The following CSMD1 variants were observed in gnomAD, a reference collection of about 807,000 sequenced individuals.
CSMD1 encodes the protein CUB and sushi domain-containing protein 1.
A neutral mutation model predicts 417.5 loss-of-function variants in CSMD1; 213 were observed. The observed-to-expected ratio is 0.51, with a 90% CI of 0.46 to 0.57. The LOEUF (loss-of-function observed/expected upper bound fraction) is 0.57. Among genes scored for constraint, CSMD1 ranks in the 20% least tolerant of loss-of-function variants. The pLI, the probability that CSMD1 is intolerant of heterozygous loss-of-function variation, is 0.00. For missense variants in CSMD1, 6,923 were observed against 4,529.7 expected (o/e 1.53, Z -15.17); for synonymous variants, 2,862 against 1,736.8 (o/e 1.65, Z -16.11).
intron 3 of CSMD1, among the ~76,000 whole-genome samples, chr8:4,172,829 G>T (rs4875297): frequency 0.31 from 46,542 of 151,912 alleles, 9,034 homozygotes; most frequent in Non-Finnish European, 0.41. Context: ...ATGTCCATAT[G>T]GAAGGGACTG....
intron 5 of CSMD1, among the ~76,000 whole-genome samples, chr8:3,870,854 T>C (rs905143860): frequency 3.3e-5 from 5 of 152,128 alleles, no homozygotes; most frequent in Admixed American, 6.5e-5. Flanking sequence ...CACCATTCTG[T>C]CTTAGGTTCC....
At chr8:3,679,993 C>T (rs985988134) in intron 7 of CSMD1, among the ~76,000 whole-genome samples, 2 of 151,960 alleles carry the variant, frequency 1.3e-5, no homozygotes, top group Admixed American at 6.6e-5. Flanking sequence ...CCAACGAGAA[C>T]AAAGACACAA....
chr8:4,110,419 G>C (rs902379860), intron 3 of CSMD1, among the ~76,000 whole-genome samples: 5 of 152,058 alleles, frequency 3.3e-5, no homozygotes, highest in African/African-American at 9.7e-5. Flanking sequence ...TAGTACTCTG[G>C]AAATCTACAT....
intron 12 of CSMD1, among the ~76,000 whole-genome samples, chr8:3,449,447 G>C (rs1162103352): frequency 6.6e-6 from 1 of 152,032 alleles, no homozygotes; most frequent in Non-Finnish European, 1.5e-5. Flanking sequence ...CCTGGACTCG[G>C]AAAGTGAATT....
At chr8:3,188,784 A>G in intron 35 of CSMD1, 103 bp downstream of exon 35, 1 of 833,212 alleles carries the variant, frequency 1.2e-6, no homozygotes, top group Non-Finnish European at 1.6e-6. Flanking sequence ...AGAGAGAGGG[A>G]GAGAGAGAGA....
At chr8:3,049,225 C>A (rs1003221803) in intron 50 of CSMD1, among the ~76,000 whole-genome samples, 1 of 152,106 alleles carries the variant, frequency 6.6e-6, no homozygotes, top group Admixed American at 6.5e-5. Context: ...TCAATCTCAA[C>A]CTTCGGTATT....
At chr8:3,818,698 A>G (rs1321489218) in intron 5 of CSMD1, among the ~76,000 whole-genome samples, 1 of 152,198 alleles carries the variant, frequency 6.6e-6, no homozygotes, top group Non-Finnish European at 1.5e-5. Flanking sequence ...GGCAGTCAAC[A>G]AAGGAAGGGA....
chr8:3,964,872 T>C lies in CSMD1; in HGVS notation c.818+33031A>G, dbSNP rs1369313672. Among the ~76,000 whole-genome samples, 5 of 152,222 alleles carry C rather than the reference T, an allele frequency of 3.3e-5. No homozygotes were observed. The East Asian group carries it at 9.6e-4, about 29-fold the overall frequency. On this transcript the variant is annotated intron_variant, in intron 5 of 69. Coordinates refer to ENST00000635120, the MANE Select transcript of CSMD1 (RefSeq NM_033225.6). ...GGTTTCCACTTTTGAAAAAGTGTGA[T>C]TGCATATTATGCCTACTTTTAAAAA...
At chr8:4,839,343 T>C (rs1193283805) in intron 1 of CSMD1, among the ~76,000 whole-genome samples, 3 of 152,206 alleles carry the variant, frequency 2.0e-5, no homozygotes, top group African/African-American at 4.8e-5. Flanking sequence ...AATGAATGCA[T>C]ACAACCAAGC....
intron 2 of CSMD1, among the ~76,000 whole-genome samples, chr8:4,635,706 GATAA>G (rs1310815193): frequency 2.0e-5 from 3 of 151,980 alleles, no homozygotes; most frequent in Non-Finnish European, 4.4e-5. Flanking sequence ...TAGTAGCGTT[GATAA>G]TTGACAACAA....
chr8:4,052,626 A>C (rs1172272173), intron 3 of CSMD1, among the ~76,000 whole-genome samples: 3 of 152,182 alleles, frequency 2.0e-5, no homozygotes, highest in Non-Finnish European at 4.4e-5. Context: ...CCAGTATTTC[A>C]ACCTAGGCAT....
chr8:4,012,786 A>G (rs1158990786), intron 4 of CSMD1, among the ~76,000 whole-genome samples: 1 of 152,146 alleles, frequency 6.6e-6, no homozygotes, highest in Non-Finnish European at 1.5e-5. Context: ...GCAATCTCAC[A>G]GTCTTCTCCA....
intron 1 of CSMD1, among the ~76,000 whole-genome samples, chr8:4,776,029 G>C (rs535956322): frequency 7.2e-5 from 11 of 152,262 alleles, no homozygotes; most frequent in South Asian, 2.1e-4. Flanking sequence ...CTTGAGGGCA[G>C]TTTGACAAAT....
chr8:3,380,211 A>C (rs1810550214), intron 18 of CSMD1, among the ~76,000 whole-genome samples: 1 of 152,180 alleles, frequency 6.6e-6, no homozygotes, highest in Non-Finnish European at 1.5e-5. Flanking sequence ...AACCGTTAGA[A>C]AGGGGATCAC....
At chr8:4,251,630 G>A (rs1467835938) in intron 3 of CSMD1, among the ~76,000 whole-genome samples, 2 of 152,140 alleles carry the variant, frequency 1.3e-5, no homozygotes, top group Non-Finnish European at 2.9e-5. Flanking sequence ...ATTACACACT[G>A]GCAGCTGAAT....
chr8:4,684,259 G>A (rs779624880), intron 1 of CSMD1, among the ~76,000 whole-genome samples: 1 of 152,210 alleles, frequency 6.6e-6, no homozygotes, highest in Non-Finnish European at 1.5e-5. Context: ...TACAATAAGT[G>A]TGCATTGATT....
chr8:4,140,693 G>C (rs1038040902), intron 3 of CSMD1, among the ~76,000 whole-genome samples: 1 of 150,696 alleles, frequency 6.6e-6, no homozygotes, highest in African/African-American at 2.5e-5. Context: ...TAATAGAGTA[G>C]AAAACCCATG....
intron 3 of CSMD1, among the ~76,000 whole-genome samples, chr8:4,064,291 T>C (rs1428105970): frequency 6.6e-6 from 1 of 152,204 alleles, no homozygotes; most frequent in Non-Finnish European, 1.5e-5. Context: ...CCATATTTTA[T>C]ATCCTGCAAT....
intron 7 of CSMD1, among the ~76,000 whole-genome samples, chr8:3,693,761 G>A (rs558734932): frequency 1.3e-5 from 2 of 151,844 alleles, no homozygotes; most frequent in African/African-American, 4.8e-5. Context: ...TTGTATGTGT[G>A]TTTTGTGTGT....
Sources: gnomAD v4.1 joint callset for allele counts (sites outside exome capture counted in the v4.1 genomes callset) on GRCh38, gnomAD v4.1.1 for gene constraint, MANE v1.5 for transcripts, NCBI Gene and HGNC (gene_info 2026-07-23, HGNC 2026-07-21) for gene names.